EBF2: variants seen among roughly 807,000 people sequenced by gnomAD.
EBF2 encodes EBF transcription factor 2, also known as transcription factor COE2.
In EBF2, 21 loss-of-function variants were observed where a neutral mutation model predicts 72.8. The observed-to-expected ratio is 0.29, with a 90% CI of 0.20 to 0.42. The LOEUF (loss-of-function observed/expected upper bound fraction) is 0.42, where lower values mean the gene tolerates loss of function less well. Among genes scored for constraint, EBF2 ranks in the 10% least tolerant of loss-of-function variants. The probability of loss-of-function intolerance (pLI) is 1.00; values close to 1 mark genes in which losing one functional copy is unlikely to be tolerated. For synonymous variants in EBF2, 299 were observed against 274.2 expected (o/e 1.09, Z -0.89); for missense variants, 637 against 731.2 (o/e 0.87, Z 1.49).
At chr8:25,899,956 G>C (rs901177983) in intron 7 of EBF2, among the ~76,000 whole-genome samples, 3 of 152,160 alleles carry the variant, frequency 2.0e-5, no homozygotes, top group East Asian at 1.9e-4. Context: ...CTCCCACACC[G>C]GGCGCTTCTT....
intron 6 of EBF2, among the ~76,000 whole-genome samples, chr8:25,935,144 A>C (rs1463993339): frequency 6.6e-6 from 1 of 151,984 alleles, no homozygotes; most frequent in East Asian, 1.9e-4. Flanking sequence ...CCCATCCTTC[A>C]TTCTTCCTAA....
Position 25,844,528 on chromosome 8 carries a change from C to T in EBF2, c.*81G>A. The T allele has an allele frequency of 6.5e-7, 1 of 1,544,166 alleles. No homozygotes were observed. Among genetic ancestry groups the T allele is most frequent in the Non-Finnish European group, 8.9e-7 (1 of 1,117,726 alleles). On this transcript the variant is annotated 3_prime_UTR_variant, in exon 16 of 16. Transcript: ENST00000520164. ...TGTTCATGTGGGGGCACCACTACAC[C>T]CCCAAAAGAGCTCCTAGTGCTTTCT...
At chr8:25,908,366 G>A in intron 7 of EBF2, 108 bp downstream of exon 7, 1 of 777,280 alleles carries the variant, frequency 1.3e-6, no homozygotes, top group Non-Finnish European at 2.1e-6. Context: ...TTATTGTTAG[G>A]AGTAGCAGTG....
intron 6 of EBF2, among the ~76,000 whole-genome samples, chr8:26,021,478 A>G (rs905118257): frequency 6.6e-6 from 1 of 152,210 alleles, no homozygotes; most frequent in Admixed American, 6.5e-5. Flanking sequence ...CCCCCTCCAC[A>G]GGCTGAGAAA....
chr8:25,904,261 G>T (rs1389758363), intron 7 of EBF2, among the ~76,000 whole-genome samples: 3 of 142,570 alleles, frequency 2.1e-5, no homozygotes, highest in African/African-American at 7.7e-5. Context: ...AGGTTAAAAA[G>T]GGTTAAAAGG....
In EBF2 at chr8:25,858,336, G is replaced by C; in HGVS notation, c.1511C>G (p.Thr504Ser). 2 of 1,614,198 alleles carry C rather than the reference G, an allele frequency of 1.2e-6. No homozygotes were observed. Among genetic ancestry groups the C allele is most frequent in the South Asian group, 2.2e-5 (2 of 91,080 alleles). Reference sequence around the variant, plus strand: ...TCACTTACTTCCATAAGGAGAGCCGGTGGGTGAGCCATTTAGAAATCCTGG... The same window carrying C: ...TCACTTACTTCCATAAGGAGAGCCGCTGGGTGAGCCATTTAGAAATCCTGG... ...GSPGFLNGSPTGSPYGIMSSS... is the reference protein window; with the variant it reads ...GSPGFLNGSPSGSPYGIMSSS... The change falls in exon 14 of 16, where the codon ACC (threonine) becomes AGC (serine). Residue 504 changes from threonine to serine, a missense_variant. Coordinates refer to ENST00000520164, the MANE Select transcript of EBF2 (RefSeq NM_022659.4).
At chr8:25,872,345 A>T (rs1322509614) in intron 10 of EBF2, among the ~76,000 whole-genome samples, 1 of 152,122 alleles carries the variant, frequency 6.6e-6, no homozygotes, top group Non-Finnish European at 1.5e-5. Flanking sequence ...ATTGGCTGCC[A>T]CTCTGGGGAT....
At chr8:25,903,691 C>T (rs1275785544) in intron 7 of EBF2, among the ~76,000 whole-genome samples, 3 of 151,944 alleles carry the variant, frequency 2.0e-5, no homozygotes, top group Admixed American at 1.3e-4. Flanking sequence ...AGCGAGACTC[C>T]GTCTCAAAAA....
In EBF2 at chr8:26,001,265, C is replaced by CA. The variant is rs368211980; in HGVS notation, c.551+31819dup. The stretch of plus-strand genomic sequence containing the variant: ...GTCTTATAAGACCAGCTCCTGCCTT[C>CA]AAAAAAAAGTTAAGAGAGGAGGAAG... On this transcript the variant is annotated intron_variant, in intron 6 of 15. Coordinates refer to ENST00000520164, the MANE Select transcript of EBF2 (RefSeq NM_022659.4). Among the ~76,000 whole-genome samples, 89 of 149,948 alleles carry CA rather than the reference C, an allele frequency of 5.9e-4. 1 individual carries two copies. The highest frequency in any genetic ancestry group is 5.9e-5 in the Non-Finnish European group (4 of 67,538).
intron 14 of EBF2, among the ~76,000 whole-genome samples, chr8:25,852,218 T>C (rs922450388): frequency 6.6e-6 from 1 of 152,164 alleles, no homozygotes; most frequent in African/African-American, 2.4e-5. Context: ...ATTCACATAA[T>C]AAGGACACAG....
chr8:25,900,072 C>A (rs1442791990), intron 7 of EBF2, among the ~76,000 whole-genome samples: 1 of 152,202 alleles, frequency 6.6e-6, no homozygotes, highest in Non-Finnish European at 1.5e-5. Flanking sequence ...TTCCAGCAGG[C>A]CCATCCTGGG....
At position 25,858,079 on chromosome 8, in the gene EBF2, C is replaced by G. The variant is rs1005128471; in HGVS notation, c.1528+240G>C. On this transcript the variant is annotated intron_variant, in intron 14 of 15. Transcript: ENST00000520164. ...CTTACACAGGCCACACATGCTCTTT[C>G]TCTATAAAAACGGAATTGTTTCAAT... 13 of 649,792 alleles carry G rather than the reference C, an allele frequency of 2.0e-5. No individual in the cohort carries two copies. In the African/African-American group the frequency reaches 2.3e-4, roughly 12 times the overall value. The allele number at this position is 649,792 out of a possible 1,614,324, so 40.3% of individuals were successfully genotyped here.
At chr8:25,921,158 G>T (rs746909736) in intron 6 of EBF2, among the ~76,000 whole-genome samples, 1 of 152,122 alleles carries the variant, frequency 6.6e-6, no homozygotes, top group African/African-American at 2.4e-5. Context: ...TTAACACTGG[G>T]TCAGGTATCA....
In EBF2 at chr8:25,845,390, T is replaced by C. The variant is rs140873329; in HGVS notation, c.1697-750A>G. Among the ~76,000 whole-genome samples the C allele has an allele frequency of 8.6e-3, 1,316 of 152,254 alleles. 19 individuals carry two copies. Among genetic ancestry groups the C allele is most frequent in the African/African-American group, 0.03 (1,255 of 41,542 alleles). On this transcript the variant is annotated intron_variant, in intron 15 of 15. Transcript: ENST00000520164. ...CTGGGACTACAGGTGCATGCCACCATGCCTGGTGAATTTTTGTATTGAATG... is the reference window on the plus strand; with the variant it reads ...CTGGGACTACAGGTGCATGCCACCACGCCTGGTGAATTTTTGTATTGAATG...
At chr8:26,011,490 T>C (rs1384484599) in intron 6 of EBF2, among the ~76,000 whole-genome samples, 2 of 151,986 alleles carry the variant, frequency 1.3e-5, no homozygotes, top group Admixed American at 1.3e-4. Context: ...TGCCTCAACT[T>C]TCAAGTTTGC....
chr8:25,966,521 C>T (rs967563911), intron 6 of EBF2, among the ~76,000 whole-genome samples: 1 of 152,196 alleles, frequency 6.6e-6, no homozygotes, highest in Non-Finnish European at 1.5e-5. Context: ...AAGGTAAATG[C>T]AATCTGAGAG....
In EBF2 at chr8:25,977,511, C is replaced by T. The variant is rs115822942; in HGVS notation, c.551+55574G>A. Among the ~76,000 whole-genome samples, 516 of 152,194 alleles carry T rather than the reference C, an allele frequency of 3.4e-3. 7 individuals are homozygous for T. The highest frequency in any genetic ancestry group is 0.012 in the African/African-American group (496 of 41,516). ...AAAACCCTCAATCTTCTCTCTCGCC[C>T]CCAGCTATGTTCTGACCACGATAGA... is the stretch of plus-strand genomic sequence containing the variant. On this transcript the variant is annotated intron_variant, in intron 6 of 15. Coordinates refer to ENST00000520164, the MANE Select transcript of EBF2 (RefSeq NM_022659.4).
intron 6 of EBF2, among the ~76,000 whole-genome samples, chr8:25,937,333 A>G (rs1803596598): frequency 6.6e-6 from 1 of 152,156 alleles, no homozygotes; most frequent in Admixed American, 6.6e-5. Context: ...CCCGACACCC[A>G]TACAAGGGAA....
intron 6 of EBF2, among the ~76,000 whole-genome samples, chr8:25,939,324 T>C (rs1180019196): frequency 6.6e-6 from 1 of 152,228 alleles, no homozygotes; most frequent in African/African-American, 2.4e-5. Flanking sequence ...TGGAAAAAAC[T>C]TAACATGTGA....
Sources: allele counts gnomAD v4.1 joint callset (sites outside exome capture counted in the v4.1 genomes callset), GRCh38; gene constraint gnomAD v4.1.1; transcripts MANE v1.5; gene names NCBI Gene and HGNC (gene_info 2026-07-23, HGNC 2026-07-21).